PPP1R16A: variants seen among roughly 807,000 people sequenced by gnomAD.
PPP1R16A encodes myosin phosphatase-targeting subunit 3.
Under a neutral mutation model 46.6 loss-of-function variants are expected in PPP1R16A, and 39 were observed. The ratio of observed to expected loss-of-function variants is 0.84; its 90% CI spans 0.65 to 1.09. PPP1R16A has a LOEUF of 1.09. Among genes scored for constraint, PPP1R16A ranks in the 50% least tolerant of loss-of-function variants. The probability of loss-of-function intolerance (pLI) is 0.00; values close to 1 mark genes in which losing one functional copy is unlikely to be tolerated. For missense variants in PPP1R16A, 798 were observed against 735.6 expected, an observed-to-expected ratio of 1.08 and a Z score of -0.98; for synonymous variants, 413 against 321.5, an observed-to-expected ratio of 1.28 and a Z score of -3.04.
At position 144,501,968 on chromosome 8, in the gene PPP1R16A, G is replaced by A. The variant is rs563283311; in HGVS notation, c.*65G>A. On this transcript the variant is annotated 3_prime_UTR_variant, in exon 12 of 12. Transcript: ENST00000435887. Reference sequence around the variant, plus strand: ...GCCCAAGGCTGCCTCCCCACGGTGCGTGCCCTGGTGCTGCGGGTGCAGCAC... The same window carrying A: ...GCCCAAGGCTGCCTCCCCACGGTGCATGCCCTGGTGCTGCGGGTGCAGCAC... The A allele has an allele frequency of 2.2e-4, 309 of 1,428,314 alleles. 2 individuals carry two copies. The South Asian group carries it at 3.4e-3, about 16-fold the overall frequency. 88.5% of individuals were successfully genotyped at this position (1,428,314 alleles called of 1,614,324 possible).
chr8:144,500,488 TGCACGTCGCAGCC>T lies in PPP1R16A; in HGVS notation c.710_722del (p.His237ProfsTer18). The T allele has an allele frequency of 6.3e-7, 1 of 1,580,992 alleles. No individual in the cohort carries two copies. The highest frequency in any genetic ancestry group is 8.5e-7 in the Non-Finnish European group (1 of 1,172,128). On this transcript the variant is annotated frameshift_variant and splice_region_variant, in exon 8 of 12. Transcript: ENST00000435887. LOFTEE classifies it high-confidence loss of function. ...TTCAGGCCGGGCGCTTGCCTGCAGC[TGCACGTCGCAGCC>T]GCCAACGGGTTCAGCGAGGCGGCTG...
intron 1 of PPP1R16A, among the ~76,000 whole-genome samples, chr8:144,486,137 G>A (rs994858809): frequency 1.3e-5 from 2 of 152,100 alleles, no homozygotes; most frequent in Non-Finnish European, 2.9e-5. Flanking sequence ...GTAGTTTTTT[G>A]TGTGACTTAA....
intron 1 of PPP1R16A, among the ~76,000 whole-genome samples, chr8:144,485,605 G>A (rs1235109931): frequency 6.6e-6 from 1 of 152,126 alleles, no homozygotes; most frequent in African/African-American, 2.4e-5. Flanking sequence ...AGACTTCCCG[G>A]GTACCCATGT....
chr8:144,493,237 G>A lies in PPP1R16A; in HGVS notation c.-735+3025G>A, dbSNP rs995483850. Among the ~76,000 whole-genome samples the A allele has an allele frequency of 4.6e-5, 7 of 152,170 alleles. No homozygotes were observed. Among genetic ancestry groups the A allele is most frequent in the African/African-American group, 1.7e-4 (7 of 41,456 alleles). ...GCCTGGGTCCCACACTCAGGCAGCT[G>A]GCCTGGGCTTTGAGGAGTGGAATGA... On this transcript the variant is annotated intron_variant, in intron 2 of 11. Coordinates refer to ENST00000435887, the MANE Select transcript of PPP1R16A (RefSeq NM_001329443.2). This position sits in a 1 kb window ranked among gnomAD's most constrained non-coding sequence, Gnocchi z 4.3.
chr8:144,502,034 C>G lies in PPP1R16A; in HGVS notation c.*131C>G, dbSNP rs563911518. 20 of 917,692 alleles carry G rather than the reference C, an allele frequency of 2.2e-5. 1 individual carries two copies. The South Asian group carries it at 3.7e-4, about 17-fold the overall frequency. 56.8% of individuals were successfully genotyped at this position (917,692 alleles called of 1,614,324 possible). ...TACTGTACAGGACACTGGCCCCTCT[C>G]AGGTCAGAAGACATGCCTGGAGGGA... On this transcript the variant is annotated 3_prime_UTR_variant, in exon 12 of 12. Coordinates refer to ENST00000435887, the MANE Select transcript of PPP1R16A (RefSeq NM_001329443.2).
chr8:144,498,469 G>A (rs958063663), intron 3 of PPP1R16A: 32 of 434,556 alleles, frequency 7.4e-5, no homozygotes, highest in African/African-American at 6.3e-4. Context: ...GGGCTGGAGG[G>A]AGGTGTGGGA....
chr8:144,498,881 C>G (rs1380156773), intron 4 of PPP1R16A, 35 bp from the exon 5 acceptor site: 19 of 1,612,608 alleles, frequency 1.2e-5, no homozygotes, highest in Non-Finnish European at 1.6e-5. Context: ...GGGCTGGCCC[C>G]CGTGCTCTGG....
Position 144,496,873 on chromosome 8 carries a change from G to A in PPP1R16A, c.-322G>A, listed in dbSNP as rs761802007. 1.2e-4 allele frequency: 55 copies of A among 476,706 alleles called. No homozygotes were observed. The highest frequency in any genetic ancestry group is 1.7e-4 in the Non-Finnish European group (45 of 259,476). The allele number at this position is 476,706 out of a possible 1,614,324, so 29.5% of individuals were successfully genotyped here. On this transcript the variant is annotated 5_prime_UTR_variant, in exon 3 of 12. Coordinates refer to ENST00000435887, the MANE Select transcript of PPP1R16A (RefSeq NM_001329443.2). ...CCTGCACTGAGGCCGGCCAGGTCTCGGGGCTGCCTCCCATAGGTTGTGCAC... is the reference window on the plus strand; with the variant it reads ...CCTGCACTGAGGCCGGCCAGGTCTCAGGGCTGCCTCCCATAGGTTGTGCAC...
chr8:144,489,194 ACTGGGAGGGGGGTTGGT>A (rs1442993155), intron 1 of PPP1R16A, among the ~76,000 whole-genome samples: 114 of 115,532 alleles, frequency 9.9e-4, no homozygotes, highest in African/African-American at 1.8e-3. Flanking sequence ...TTAGGGTTGG[ACTGGGAGGGGGGTTGGT>A]CTGGGAGGGG....
intron 1 of PPP1R16A, 109 bp downstream of exon 1, chr8:144,478,236 G>A (rs980073746): frequency 9.8e-5 from 38 of 386,826 alleles, no homozygotes; most frequent in African/African-American, 7.3e-4. Context: ...GGTCGACACC[G>A]AGAGAGGAGG....
At chr8:144,488,843 T>C (rs1465820955) in intron 1 of PPP1R16A, among the ~76,000 whole-genome samples, 1 of 151,300 alleles carries the variant, frequency 6.6e-6, no homozygotes, top group Non-Finnish European at 1.5e-5. Flanking sequence ...AGGGAGGACA[T>C]GGTGTCGCTG....
chr8:144,478,181 C>G, intron 1 of PPP1R16A, 54 bp downstream of exon 1: 1 of 393,898 alleles, frequency 2.5e-6, no homozygotes, highest in Non-Finnish European at 4.5e-6. Context: ...GGAGAGGGGC[C>G]CCGGCCAGGG....
At position 144,497,469 on chromosome 8, in the gene PPP1R16A, C is replaced by T. The variant is rs769115281; in HGVS notation, c.259+16C>T. The T allele has an allele frequency of 2.5e-6, 4 of 1,611,724 alleles. No individual in the cohort carries two copies. In the Admixed American group the frequency reaches 5.0e-5, roughly 20 times the overall value. Reference sequence around the variant, plus strand: ...CTGGAAGAAGGTGAGTGTGGCTGAGCCCAGAGCAGCTCCCAGCAGACGGCC... The same window carrying T: ...CTGGAAGAAGGTGAGTGTGGCTGAGTCCAGAGCAGCTCCCAGCAGACGGCC... On this transcript the variant is annotated intron_variant, in intron 3 of 11. Coordinates refer to ENST00000435887, the MANE Select transcript of PPP1R16A (RefSeq NM_001329443.2).
intron 1 of PPP1R16A, among the ~76,000 whole-genome samples, chr8:144,488,453 G>A (rs1303514102): frequency 6.6e-6 from 1 of 152,158 alleles, no homozygotes; most frequent in Non-Finnish European, 1.5e-5. Context: ...GCACTGGAGT[G>A]TTGGAGTCAG....
intron 1 of PPP1R16A, among the ~76,000 whole-genome samples, chr8:144,479,821 C>T (rs1399056412): frequency 6.6e-6 from 1 of 152,216 alleles, no homozygotes; most frequent in Admixed American, 6.5e-5. Context: ...TCTCCTGGCA[C>T]TGGTGCACGC....
intron 1 of PPP1R16A, among the ~76,000 whole-genome samples, chr8:144,482,280 C>A (rs921364721): frequency 2.0e-5 from 3 of 152,114 alleles, no homozygotes; most frequent in African/African-American, 7.2e-5. Flanking sequence ...TCCATGTTGG[C>A]CAGACTACCT....
chr8:144,492,372 G>C (rs1191379199), intron 2 of PPP1R16A, among the ~76,000 whole-genome samples: 2 of 132,604 alleles, frequency 1.5e-5, no homozygotes, highest in Non-Finnish European at 3.1e-5. Flanking sequence ...GTCTCTCTCT[G>C]TCACCCAGGC....
intron 1 of PPP1R16A, among the ~76,000 whole-genome samples, chr8:144,486,644 TG>T (rs1380197741): frequency 1.3e-5 from 2 of 152,234 alleles, no homozygotes; most frequent in African/African-American, 4.8e-5. Flanking sequence ...ATTTGCCATC[TG>T]TGTATCCTCT....
intron 1 of PPP1R16A, 36 bp downstream of exon 1, chr8:144,478,163 G>T: frequency 5.1e-6 from 2 of 394,214 alleles, no homozygotes; most frequent in Non-Finnish European, 9.0e-6. Context: ...CGGCGGGAGC[G>T]GAGCGAGGGA....
Sources: allele counts gnomAD v4.1 joint callset (sites outside exome capture counted in the v4.1 genomes callset), GRCh38; gene constraint gnomAD v4.1.1; non-coding constraint Gnocchi (gnomAD v3.1); transcripts MANE v1.5; gene names NCBI Gene and HGNC (gene_info 2026-07-23, HGNC 2026-07-21).